The following AUTS2 variants were observed in gnomAD, a reference collection of about 807,000 sequenced individuals.
The protein encoded by AUTS2 is activator of transcription and developmental regulator AUTS2, also known as autism susceptibility gene 2 protein.
In AUTS2, 17 loss-of-function variants were observed where a neutral mutation model predicts 112.4. That is an observed-to-expected ratio of 0.15 (90% CI 0.10 to 0.23). The LOEUF (loss-of-function observed/expected upper bound fraction) is 0.23, where lower values mean the gene tolerates loss of function less well. Ranked by LOEUF, AUTS2 falls within the 10% of genes least tolerant of loss-of-function variation. The pLI is 1.00. For synonymous variants in AUTS2, 751 were observed against 702.7 expected (o/e 1.07, Z -1.09); for missense variants, 1,510 against 1,701.6 (o/e 0.89, Z 1.98).
intron 4 of AUTS2, among the ~76,000 whole-genome samples, chr7:70,171,109 G>T (rs922811578): frequency 6.6e-6 from 1 of 152,140 alleles, no homozygotes; most frequent in Admixed American, 6.6e-5. Context: ...AATCCTCATT[G>T]ATTACACTGT....
intron 5 of AUTS2, among the ~76,000 whole-genome samples, chr7:70,511,561 C>CTTTTTTTTTTTTTTTTT (rs3974587): frequency 1.3e-4 from 9 of 70,108 alleles, no homozygotes; most frequent in Admixed American, 2.1e-4. Context: ...TTTTCATTTT[C>CTTTTTTTTTTTTTTTTT]TTTTTTTTTT....
chr7:70,012,020 A>C (rs1157664198), intron 2 of AUTS2, among the ~76,000 whole-genome samples: 1 of 152,182 alleles, frequency 6.6e-6, no homozygotes. Flanking sequence ...TAGGCCTGCC[A>C]TTCACTGAGG....
intron 1 of AUTS2, among the ~76,000 whole-genome samples, chr7:69,614,648 T>A (rs532473153): frequency 6.6e-6 from 1 of 152,036 alleles, no homozygotes; most frequent in South Asian, 2.1e-4. Context: ...CTACCCCTGC[T>A]AATTTTTTTT....
At chr7:70,591,709 C>G (rs1214014120) in intron 5 of AUTS2, among the ~76,000 whole-genome samples, 1 of 152,312 alleles carries the variant, frequency 6.6e-6, no homozygotes, top group South Asian at 2.1e-4. Flanking sequence ...CGACTCTCTT[C>G]TTAATATGCT....
intron 2 of AUTS2, among the ~76,000 whole-genome samples, chr7:69,921,785 G>A (rs537007054): frequency 2.1e-5 from 3 of 142,814 alleles, no homozygotes; most frequent in South Asian, 4.4e-4. Context: ...AAAAAAAAAG[G>A]CCGGGCATGG....
At chr7:69,938,856 T>C (rs1387528944) in intron 2 of AUTS2, among the ~76,000 whole-genome samples, 1 of 152,160 alleles carries the variant, frequency 6.6e-6, no homozygotes, top group Non-Finnish European at 1.5e-5. Flanking sequence ...AAGGGACTGC[T>C]ACGATAAGCC....
At chr7:69,736,111 A>G (rs569779669) in intron 1 of AUTS2, among the ~76,000 whole-genome samples, 1 of 152,196 alleles carries the variant, frequency 6.6e-6, no homozygotes, top group African/African-American at 2.4e-5. Flanking sequence ...AAAAGTGAAA[A>G]TTGTTTAAAG....
Position 69,614,367 on chromosome 7 carries a change from T to TCTTTCTTTCTTTCTTTTCTTTC in AUTS2, c.309+14405_309+14406insCTTTCTTTCTTTCTTTTCTTTC, listed in dbSNP as rs57602451. 3.1e-4 allele frequency among the ~76,000 whole-genome samples: 28 copies of TCTTTCTTTCTTTCTTTTCTTTC among 90,276 alleles called. 2 individuals carry two copies. Among genetic ancestry groups the TCTTTCTTTCTTTCTTTTCTTTC allele is most frequent in the Admixed American group, 5.9e-4 (5 of 8,456 alleles). 59.2% of individuals were successfully genotyped at this position (90,276 alleles called of 152,430 possible). On this transcript the variant is annotated intron_variant, in intron 1 of 18. Transcript: ENST00000342771. The stretch of plus-strand genomic sequence containing the variant: ...TTCTTTCTTTCTTTCTTTCTTTCTT[T>TCTTTCTTTCTTTCTTTTCTTTC]TTTTAAGAGATGGGATCTCACTCTG...
rs539702135 is a variant in AUTS2, at chr7:70,490,589, T to G, written c.690+54808T>G. Among the ~76,000 whole-genome samples, 7 of 152,122 alleles carry G rather than the reference T, an allele frequency of 4.6e-5. 1 individual carries two copies. The highest frequency in any genetic ancestry group is 1.0e-4 in the Non-Finnish European group (7 of 68,024). The stretch of plus-strand genomic sequence containing the variant: ...CCCACCGTTGAGTGGTGGTCTAATG[T>G]GCATGTTAGACCATAGATGCCGAGA... On this transcript the variant is annotated intron_variant, in intron 5 of 18. Transcript: ENST00000342771.
chr7:70,552,409 G>A (rs1349888684), intron 5 of AUTS2, among the ~76,000 whole-genome samples: 1 of 152,132 alleles, frequency 6.6e-6, no homozygotes, highest in Non-Finnish European at 1.5e-5. Flanking sequence ...AAATCAGCAT[G>A]TTTATTAATG....
chr7:70,715,568 C>G (rs771466650), intron 6 of AUTS2, among the ~76,000 whole-genome samples: 19 of 150,882 alleles, frequency 1.3e-4, no homozygotes, highest in Non-Finnish European at 2.4e-4. Flanking sequence ...GTGTCTCACT[C>G]TGTCACCCAG....
At chr7:69,896,731 T>C (rs1171767194) in intron 1 of AUTS2, among the ~76,000 whole-genome samples, 1 of 152,224 alleles carries the variant, frequency 6.6e-6, no homozygotes, top group African/African-American at 2.4e-5. Context: ...GAAGTACTTA[T>C]GTGAAGCACT....
chr7:70,399,757 AAAAT>A (rs746229167), intron 4 of AUTS2, among the ~76,000 whole-genome samples: 10,049 of 109,280 alleles, frequency 0.092, 406 homozygotes, highest in Middle Eastern at 0.16. Context: ...GTAAAAAAAT[AAAAT>A]AAAATAAAAT....
intron 4 of AUTS2, among the ~76,000 whole-genome samples, chr7:70,208,011 C>CAAAAAAAAAAAAAAA (rs61267230): frequency 2.1e-5 from 1 of 48,054 alleles, no homozygotes; most frequent in Non-Finnish European, 4.1e-5. Context: ...AACTCCATCT[C>CAAAAAAAAAAAAAAA]AAAAAAAAAA....
intron 1 of AUTS2, among the ~76,000 whole-genome samples, chr7:69,880,117 G>A (rs1793978821): frequency 6.6e-6 from 1 of 152,196 alleles, no homozygotes; most frequent in Non-Finnish European, 1.5e-5. Context: ...CATTCATGGT[G>A]GAAGGTGAAG....
chr7:70,752,069 T>G (rs1043166793), intron 6 of AUTS2, among the ~76,000 whole-genome samples: 1 of 151,798 alleles, frequency 6.6e-6, no homozygotes, highest in Non-Finnish European at 1.5e-5. Flanking sequence ...GCTGTGTATG[T>G]GCGTAGTACA....
intron 4 of AUTS2, among the ~76,000 whole-genome samples, chr7:70,232,549 G>T (rs146687260): frequency 4.6e-5 from 7 of 151,930 alleles, no homozygotes; most frequent in African/African-American, 1.2e-4. Context: ...GACTACAGGC[G>T]CATACCACCA....
At chr7:70,270,216 G>A (rs1346824082) in intron 4 of AUTS2, among the ~76,000 whole-genome samples, 1 of 152,142 alleles carries the variant, frequency 6.6e-6, no homozygotes, top group Non-Finnish European at 1.5e-5. Context: ...ATTGTGTTAT[G>A]TTTACTGGGT....
chr7:69,696,009 A>G (rs1166994458), intron 1 of AUTS2, among the ~76,000 whole-genome samples: 1 of 152,144 alleles, frequency 6.6e-6, no homozygotes, highest in Non-Finnish European at 1.5e-5. Flanking sequence ...AAAACGTATT[A>G]TGATCAGTTT....
Sources: allele counts gnomAD v4.1 joint callset (sites outside exome capture counted in the v4.1 genomes callset), GRCh38; gene constraint gnomAD v4.1.1; transcripts MANE v1.5; gene names NCBI Gene and HGNC (gene_info 2026-07-23, HGNC 2026-07-21).